Variants in PFKFB3 observed in about 807,000 individuals in gnomAD.
PFKFB3 encodes 6-phosphofructo-2-kinase/fructose-2,6-bisphosphatase 3.
Under a neutral mutation model 68.0 loss-of-function variants are expected in PFKFB3, and 33 were observed. The observed-to-expected ratio is 0.49, with a 90% CI of 0.37 to 0.65. PFKFB3 has a LOEUF of 0.65. Among genes scored for constraint, PFKFB3 ranks in the 30% least tolerant of loss-of-function variants. PFKFB3 has a pLI of 0.00. For synonymous variants in PFKFB3, 315 were observed against 288.2 expected (o/e 1.09, Z -0.94); for missense variants, 586 against 712.2 (o/e 0.82, Z 2.02).
chr10:6,225,901 GATC>G (rs1021212008), intron 13 of PFKFB3, among the ~76,000 whole-genome samples: 31 of 152,200 alleles, frequency 2.0e-4, no homozygotes, highest in African/African-American at 7.2e-4. Flanking sequence ...GCTCTGCTGT[GATC>G]ATCATTCTTT....
At chr10:6,317,273 A>G in the PFKFB3 span, among the ~76,000 whole-genome samples, 3 of 152,268 alleles carry the variant, frequency 2.0e-5, no homozygotes, top group East Asian at 5.8e-4. Flanking sequence ...GCAGTGATGC[A>G]TCTCCCTGGG....
At chr10:6,212,381 A>G (rs1400606188) in intron 1 of PFKFB3, among the ~76,000 whole-genome samples, 3 of 152,194 alleles carry the variant, frequency 2.0e-5, no homozygotes, top group African/African-American at 7.2e-5. Context: ...TCTTACTGAG[A>G]TGCCAAGACC....
intron 1 of PFKFB3, among the ~76,000 whole-genome samples, chr10:6,204,935 G>C (rs1843585883): frequency 6.6e-6 from 1 of 152,236 alleles, no homozygotes. Context: ...TCTGAGATCT[G>C]TTGGCATCAG....
chr10:6,148,296 G>C (rs561959206), intron 1 of PFKFB3, among the ~76,000 whole-genome samples: 2 of 152,348 alleles, frequency 1.3e-5, no homozygotes, highest in Admixed American at 1.3e-4. Context: ...GGTTAGGTTG[G>C]TGCCATGGTG....
rs548865023 is a variant in PFKFB3, at chr10:6,203,167, C to G, written c.-94C>G. ...CCGGCCGCGCGCCGGCGCACGCCCC[C>G]CTCTCCTCCTTTGTTCCGGGGGTCG... On this transcript the variant is annotated 5_prime_UTR_variant, in exon 1 of 15. Coordinates refer to ENST00000379775, the MANE Select transcript of PFKFB3 (RefSeq NM_004566.4). 2,678 of 1,536,668 alleles carry G rather than the reference C, an allele frequency of 1.7e-3. 3 individuals are homozygous for G. Among genetic ancestry groups the G allele is most frequent in the Admixed American group, 2.5e-3 (122 of 48,676 alleles).
chr10:6,219,740 T>C (rs1270327918), intron 7 of PFKFB3, 47 bp downstream of exon 7: 9 of 1,594,868 alleles, frequency 5.6e-6, no homozygotes, highest in Non-Finnish European at 6.0e-6. Flanking sequence ...ATGAGGGTTC[T>C]TACTGAATTC....
the PFKFB3 span, among the ~76,000 whole-genome samples, chr10:6,271,273 G>C: frequency 1.3e-5 from 2 of 152,226 alleles, no homozygotes; most frequent in Non-Finnish European, 2.9e-5. Flanking sequence ...CTAAGGTAAG[G>C]ACGAGAACCG....
At chr10:6,255,914 GC>G (rs1846488734), downstream of PFKFB3, among the ~76,000 whole-genome samples, 1 of 152,186 alleles carries the variant, frequency 6.6e-6, no homozygotes, top group African/African-American at 2.4e-5. Context: ...TGGGAGGGCA[GC>G]CCTGACATTC....
Position 6,220,521 on chromosome 10 carries a change from G to A in PFKFB3, c.624-137G>A. 1 of 716,576 alleles carries A rather than the reference G, an allele frequency of 1.4e-6. No individual in the cohort carries two copies. The highest frequency in any genetic ancestry group is 2.4e-6 in the Non-Finnish European group (1 of 418,190). 44.4% of individuals were successfully genotyped at this position (716,576 alleles called of 1,614,324 possible). On this transcript the variant is annotated intron_variant, in intron 7 of 14. Coordinates refer to ENST00000379775, the MANE Select transcript of PFKFB3 (RefSeq NM_004566.4). This position sits in a 1 kb window ranked among gnomAD's most constrained non-coding sequence, Gnocchi z 4.1. ...TACGCATATGCTCTGCCCCTTAGAA[G>A]GATTCAGTCTGTGCCCTGGAGGGGC...
rs960511957 is a variant in PFKFB3, at chr10:6,156,895, C to T, written c.16+11882C>T. ...TCACCTGAGGACAGGAGTTCAAGGC[C>T]AGCCTGGGCAACATGGCAAACCCTC... On this transcript the variant is annotated intron_variant, in intron 1 of 14. Transcript: ENST00000379789. 7.3e-5 allele frequency among the ~76,000 whole-genome samples: 11 copies of T among 151,634 alleles called. No individual in the cohort carries two copies. In the East Asian group the frequency reaches 2.0e-3, roughly 28 times the overall value.
intron 1 of PFKFB3, among the ~76,000 whole-genome samples, chr10:6,209,987 T>C (rs2516616): frequency 0.97 from 141,507 of 145,626 alleles, 68,892 homozygotes; most frequent in East Asian, 1. Context: ...CTCCTGACCT[T>C]GTGATCCGCC....
At chr10:6,238,091 C>T (rs554616561), downstream of PFKFB3, among the ~76,000 whole-genome samples, 2 of 152,068 alleles carry the variant, frequency 1.3e-5, no homozygotes, top group Non-Finnish European at 2.9e-5. Flanking sequence ...CAAAATATGA[C>T]ACTTCAGCCC....
intron 1 of PFKFB3, among the ~76,000 whole-genome samples, chr10:6,194,615 C>T (rs533759415): frequency 4.6e-5 from 7 of 152,308 alleles, no homozygotes; most frequent in East Asian, 3.9e-4. Context: ...GCCAGTAGCG[C>T]CATCTGATAA....
the PFKFB3 span, among the ~76,000 whole-genome samples, chr10:6,290,666 C>CT: frequency 9.3e-5 from 14 of 151,052 alleles, no homozygotes; most frequent in South Asian, 2.1e-3. Flanking sequence ...GCCCAGCTAA[C>CT]TTTTTTTTTG....
In PFKFB3 at chr10:6,220,942, GTGCTGCTGCTGCTGC is replaced by G. The variant is rs3084010; in HGVS notation, c.831+91_831+105del. On this transcript the variant is annotated intron_variant, in intron 8 of 14. Coordinates refer to ENST00000379775, the MANE Select transcript of PFKFB3 (RefSeq NM_004566.4). The surrounding 1 kb of genome is among the most constrained non-coding windows in gnomAD (Gnocchi z 4.1). ...GTCTATAGGGTGGGTGGGGAGCTGT[GTGCTGCTGCTGCTGC>G]TGCTGCTGCTGCTTGGTGTGCTTGC... The G allele has an allele frequency of 5.6e-6, 5 of 887,016 alleles. No homozygotes were observed. Among genetic ancestry groups the G allele is most frequent in the African/African-American group, 1.7e-5 (1 of 60,312 alleles). The allele number at this position is 887,016 out of a possible 1,614,324, so 54.9% of individuals were successfully genotyped here. A position where few individuals can be genotyped will look rare whatever the true frequency, so the allele number is the denominator to read the frequency against.
the PFKFB3 span, among the ~76,000 whole-genome samples, chr10:6,266,691 GTTC>G: frequency 2.6e-3 from 401 of 152,316 alleles, 2 homozygotes; most frequent in African/African-American, 9.2e-3. Flanking sequence ...CAATGCAAAT[GTTC>G]TTCTTTCACC....
intron 1 of PFKFB3, among the ~76,000 whole-genome samples, chr10:6,208,546 G>A (rs1190487667): frequency 6.6e-6 from 1 of 152,006 alleles, no homozygotes; most frequent in Non-Finnish European, 1.5e-5. Context: ...GCCGGCTGCT[G>A]GTGTTCTAGC....
the PFKFB3 span, among the ~76,000 whole-genome samples, chr10:6,306,078 A>G: frequency 2.6e-5 from 4 of 152,168 alleles, no homozygotes; most frequent in African/African-American, 7.2e-5. Flanking sequence ...GCTGGAGAGC[A>G]GAGGCTCTTC....
chr10:6,271,409 C>A, the PFKFB3 span, among the ~76,000 whole-genome samples: 1 of 152,164 alleles, frequency 6.6e-6, no homozygotes, highest in Non-Finnish European at 1.5e-5. Context: ...AGCCAAGAGG[C>A]GGGAAGTCAA....
Sources: gnomAD v4.1 joint callset for allele counts (sites outside exome capture counted in the v4.1 genomes callset) on GRCh38, gnomAD v4.1.1 for gene constraint, Gnocchi (gnomAD v3.1) non-coding constraint, MANE v1.5 for transcripts, NCBI Gene and HGNC (gene_info 2026-07-23, HGNC 2026-07-21) for gene names.